The following SYT1 variants were observed in gnomAD, a reference collection of about 807,000 sequenced individuals.
SYT1 encodes synaptotagmin 1, also known as synaptotagmin-1.
A neutral mutation model predicts 44.8 loss-of-function variants in SYT1; 8 were observed. The observed-to-expected ratio is 0.18, with a 90% CI of 0.10 to 0.32. SYT1 has a LOEUF of 0.32. Ranked by LOEUF, SYT1 falls within the 10% of genes least tolerant of loss-of-function variation. SYT1 has a pLI of 1.00. For missense variants in SYT1, 286 were observed against 509.3 expected, an observed-to-expected ratio of 0.56 and a Z score of 4.22; for synonymous variants, 154 against 188.8, an observed-to-expected ratio of 0.82 and a Z score of 1.51.
intron 3 of SYT1, among the ~76,000 whole-genome samples, chr12:79,156,994 G>C (rs1392618511): frequency 6.6e-6 from 1 of 152,078 alleles, no homozygotes; most frequent in African/African-American, 2.4e-5. Context: ...AGGCAAGAGA[G>C]AGACAGACTG....
intron 3 of SYT1, among the ~76,000 whole-genome samples, chr12:79,057,132 T>A (rs1875006466): frequency 6.6e-6 from 1 of 152,038 alleles, no homozygotes; most frequent in African/African-American, 2.4e-5. Flanking sequence ...TCCTTGGAAT[T>A]GAATCATTAC....
intron 4 of SYT1, among the ~76,000 whole-genome samples, chr12:79,243,957 G>T (rs1876670805): frequency 6.6e-6 from 1 of 152,076 alleles, no homozygotes; most frequent in Non-Finnish European, 1.5e-5. Flanking sequence ...ATAAAGCTTA[G>T]AATGTGATAT....
At chr12:79,335,962 C>T (rs1882073180) in intron 8 of SYT1, among the ~76,000 whole-genome samples, 1 of 152,288 alleles carries the variant, frequency 6.6e-6, no homozygotes, top group East Asian at 1.9e-4. Flanking sequence ...GTTAATGAAA[C>T]TTTACTACAT....
chr12:79,090,905 T>C (rs576211914), intron 3 of SYT1, among the ~76,000 whole-genome samples: 1 of 152,158 alleles, frequency 6.6e-6, no homozygotes, highest in South Asian at 2.1e-4. Flanking sequence ...ATAGTTTCTC[T>C]GTCAGACCTT....
chr12:79,024,810 A>G (rs1328010452), intron 2 of SYT1, among the ~76,000 whole-genome samples: 1 of 151,820 alleles, frequency 6.6e-6, no homozygotes, highest in Non-Finnish European at 1.5e-5. Flanking sequence ...TTTGGATTGG[A>G]GAATAACGCT....
At chr12:79,323,936 TG>T (rs1229070071) in intron 8 of SYT1, among the ~76,000 whole-genome samples, 1 of 149,372 alleles carries the variant, frequency 6.7e-6, no homozygotes, top group Non-Finnish European at 1.5e-5. Context: ...ATGGTATTTT[TG>T]TTTCTATTTT....
intron 7 of SYT1, 45 bp downstream of exon 7, chr12:79,296,281 T>A: frequency 6.4e-7 from 1 of 1,570,564 alleles, no homozygotes; most frequent in East Asian, 2.2e-5. Flanking sequence ...GTTGTTTTAC[T>A]TAAAAGACTG....
chr12:79,211,007 A>G (rs1253112074), intron 3 of SYT1, among the ~76,000 whole-genome samples: 1 of 151,640 alleles, frequency 6.6e-6, no homozygotes, highest in Non-Finnish European at 1.5e-5. Context: ...TCTCCAGAAT[A>G]AAAGTTTTAA....
intron 4 of SYT1, among the ~76,000 whole-genome samples, chr12:79,239,322 C>G (rs1316956794): frequency 6.6e-6 from 1 of 152,114 alleles, no homozygotes; most frequent in Non-Finnish European, 1.5e-5. Context: ...TCAAAACTGT[C>G]AAGGTCATCA....
At chr12:79,175,986 T>C (rs184374644) in intron 3 of SYT1, among the ~76,000 whole-genome samples, 33 of 152,154 alleles carry the variant, frequency 2.2e-4, no homozygotes, top group African/African-American at 7.0e-4. Context: ...ACTGTTTAAA[T>C]TTGGTTCAGA....
At chr12:79,132,734 A>G (rs1227644269) in intron 3 of SYT1, among the ~76,000 whole-genome samples, 1 of 151,544 alleles carries the variant, frequency 6.6e-6, no homozygotes, top group Non-Finnish European at 1.5e-5. Flanking sequence ...AGATCCAGCA[A>G]TCTCAATACT....
At chr12:79,124,944 AAGG>A (rs1276724460) in intron 3 of SYT1, among the ~76,000 whole-genome samples, 1 of 152,188 alleles carries the variant, frequency 6.6e-6, no homozygotes, top group Non-Finnish European at 1.5e-5. Context: ...CCAGGAAAGA[AAGG>A]AGGGAAATTG....
At chr12:79,112,322 C>G (rs997185238) in intron 3 of SYT1, among the ~76,000 whole-genome samples, 1 of 151,968 alleles carries the variant, frequency 6.6e-6, no homozygotes, top group Non-Finnish European at 1.5e-5. Context: ...GTAAAAGCTA[C>G]GATGTGGAGA....
At chr12:78,954,330 T>G (rs965926482) in intron 1 of SYT1, among the ~76,000 whole-genome samples, 1 of 152,098 alleles carries the variant, frequency 6.6e-6, no homozygotes, top group African/African-American at 2.4e-5. Flanking sequence ...TTATCATCTA[T>G]TATTTGTGTT....
At chr12:79,425,152 T>C (rs1869375492) in intron 9 of SYT1, among the ~76,000 whole-genome samples, 1 of 152,036 alleles carries the variant, frequency 6.6e-6, no homozygotes, top group South Asian at 2.1e-4. Context: ...TTTGTTCTTA[T>C]TGTATTTTCA....
intron 8 of SYT1, among the ~76,000 whole-genome samples, chr12:79,301,935 GGAT>G (rs1310350233): frequency 2.0e-5 from 3 of 152,066 alleles, no homozygotes; most frequent in African/African-American, 7.2e-5. Flanking sequence ...AAGTATCTCT[GGAT>G]GACTAGACCC....
At chr12:79,039,784 A>C (rs188335538) in intron 2 of SYT1, among the ~76,000 whole-genome samples, 22,364 of 94,640 alleles carry the variant, frequency 0.24, 2,183 homozygotes, top group East Asian at 0.36. Context: ...CCCCCCACCC[A>C]ACAACAGTCC....
chr12:79,339,086 G>A (rs1297078019), intron 8 of SYT1, among the ~76,000 whole-genome samples: 4 of 152,122 alleles, frequency 2.6e-5, no homozygotes, highest in Non-Finnish European at 5.9e-5. Flanking sequence ...CATTTGGGTT[G>A]GTTCCAAGTC....
intron 9 of SYT1, among the ~76,000 whole-genome samples, chr12:79,369,368 T>TG (rs1565929181): frequency 6.6e-6 from 1 of 152,102 alleles, no homozygotes; most frequent in Non-Finnish European, 1.5e-5. Flanking sequence ...CCTAATTACA[T>TG]GGGAAGGTGA....
Sources: allele counts gnomAD v4.1 joint callset (sites outside exome capture counted in the v4.1 genomes callset), GRCh38; gene constraint gnomAD v4.1.1; transcripts MANE v1.5; gene names NCBI Gene and HGNC (gene_info 2026-07-23, HGNC 2026-07-21).